Variants in SHISA9 observed in about 807,000 individuals in gnomAD.
SHISA9 encodes protein shisa-9.
In SHISA9, 13 loss-of-function variants were observed where a neutral mutation model predicts 38.0. The ratio of observed to expected loss-of-function variants is 0.34; its 90% confidence interval spans 0.22 to 0.54. The LOEUF is 0.54. Ranked by LOEUF, SHISA9 falls within the 20% of genes least tolerant of loss-of-function variation. The pLI is 0.91. For synonymous variants in SHISA9, 275 were observed against 242.0 expected (o/e 1.14, Z -1.27); for missense variants, 538 against 575.8 (o/e 0.93, Z 0.67).
chr16:13,507,426 G>C, the SHISA9 span, among the ~76,000 whole-genome samples: 1 of 152,010 alleles, frequency 6.6e-6, no homozygotes, highest in Non-Finnish European at 1.5e-5. Flanking sequence ...TCTTTTAGTG[G>C]TAGAGTACCC....
intron 2 of SHISA9, among the ~76,000 whole-genome samples, chr16:12,978,211 C>T (rs556337810): frequency 6.6e-6 from 1 of 152,242 alleles, no homozygotes; most frequent in Admixed American, 6.5e-5. Context: ...CCATCATCTA[C>T]CAAAATGGCA....
At chr16:12,971,272 C>T (rs1218661779) in intron 2 of SHISA9, among the ~76,000 whole-genome samples, 1 of 152,222 alleles carries the variant, frequency 6.6e-6, no homozygotes, top group East Asian at 1.9e-4. Flanking sequence ...CTCAGCTTGC[C>T]TGTTTCCTAG....
At chr16:13,244,798 G>C (rs187850642), downstream of SHISA9, among the ~76,000 whole-genome samples, 2 of 152,206 alleles carry the variant, frequency 1.3e-5, no homozygotes, top group Non-Finnish European at 2.9e-5. Context: ...GTATTGATGA[G>C]CACAAACAAT....
chr16:13,286,317 A>G, the SHISA9 span, among the ~76,000 whole-genome samples: 6 of 152,122 alleles, frequency 3.9e-5, no homozygotes, highest in Non-Finnish European at 4.4e-5. Flanking sequence ...GGCAAAATAA[A>G]CTTTCTAAAT....
At chr16:12,902,665 G>T (rs1219733815) in intron 1 of SHISA9, 38 bp downstream of exon 1, 1 of 1,485,386 alleles carries the variant, frequency 6.7e-7, no homozygotes, top group Non-Finnish European at 9.0e-7. Flanking sequence ...TCGGGGCTTC[G>T]CTCTCCCTGC....
At chr16:13,302,146 G>T in the SHISA9 span, among the ~76,000 whole-genome samples, 2 of 152,254 alleles carry the variant, frequency 1.3e-5, no homozygotes, top group East Asian at 1.9e-4. Context: ...TCTCGGTCCA[G>T]TTGTGTCATG....
the SHISA9 span, chr16:13,332,609 A>G: frequency 2.6e-5 from 4 of 152,220 alleles, no homozygotes; most frequent in African/African-American, 9.7e-5. Context: ...TCCTTCCATC[A>G]GCACAGCAAG....
At chr16:12,934,991 C>A (rs1031067723) in intron 2 of SHISA9, among the ~76,000 whole-genome samples, 2 of 138,608 alleles carry the variant, frequency 1.4e-5, no homozygotes, top group African/African-American at 2.6e-5. Flanking sequence ...TTGGAGCTCT[C>A]CTGCTGATAT....
the SHISA9 span, among the ~76,000 whole-genome samples, chr16:13,293,527 G>A: frequency 1.3e-5 from 2 of 152,186 alleles, no homozygotes; most frequent in Non-Finnish European, 2.9e-5. Flanking sequence ...AATGGAGGAA[G>A]TAGTAGAACC....
At chr16:12,962,117 G>A (rs1347724355) in intron 2 of SHISA9, among the ~76,000 whole-genome samples, 1 of 152,242 alleles carries the variant, frequency 6.6e-6, no homozygotes, top group Non-Finnish European at 1.5e-5. Context: ...TCCAGTCGAT[G>A]CGAAGGCACT....
intron 2 of SHISA9, among the ~76,000 whole-genome samples, chr16:13,062,466 A>G (rs919036031): frequency 1.3e-5 from 2 of 152,172 alleles, no homozygotes; most frequent in Admixed American, 6.5e-5. Flanking sequence ...CTTACCTGCC[A>G]CAACTGAGCA....
chr16:12,932,158 T>C (rs1213324145), intron 2 of SHISA9, among the ~76,000 whole-genome samples: 1 of 152,178 alleles, frequency 6.6e-6, no homozygotes, highest in Non-Finnish European at 1.5e-5. Flanking sequence ...TGTGAGTCCA[T>C]TAAGCCTTTT....
At chr16:13,305,324 A>C in the SHISA9 span, among the ~76,000 whole-genome samples, 1 of 152,128 alleles carries the variant, frequency 6.6e-6, no homozygotes, top group Admixed American at 6.5e-5. Flanking sequence ...CAAATTTTGG[A>C]TCTTTGGATT....
At chr16:13,310,140 G>A in the SHISA9 span, among the ~76,000 whole-genome samples, 229 of 152,184 alleles carry the variant, frequency 1.5e-3, 3 homozygotes, top group East Asian at 0.028. Context: ...CACCTGCCTC[G>A]GCCTCCCATA....
intron 2 of SHISA9, among the ~76,000 whole-genome samples, chr16:13,098,434 A>G (rs1404356921): frequency 6.6e-6 from 1 of 152,186 alleles, no homozygotes; most frequent in African/African-American, 2.4e-5. Context: ...TTAAGATCCC[A>G]GCAACCCAGG....
At chr16:13,147,333 C>T (rs1179085238) in intron 2 of SHISA9, among the ~76,000 whole-genome samples, 1 of 152,036 alleles carries the variant, frequency 6.6e-6, no homozygotes, top group Non-Finnish European at 1.5e-5. Context: ...GATTCTACAA[C>T]CAAGGGTTTG....
chr16:13,394,454 A>G, the SHISA9 span, among the ~76,000 whole-genome samples: 1 of 151,588 alleles, frequency 6.6e-6, no homozygotes, highest in East Asian at 1.9e-4. Flanking sequence ...CTTATCTCCT[A>G]CCCCCCACCC....
the SHISA9 span, among the ~76,000 whole-genome samples, chr16:13,536,196 A>C: frequency 6.6e-6 from 1 of 151,870 alleles, no homozygotes; most frequent in Non-Finnish European, 1.5e-5. Context: ...ATGGGGTTTC[A>C]CTATGTTGGC....
At chr16:13,394,928 G>GT in the SHISA9 span, among the ~76,000 whole-genome samples, 5 of 139,402 alleles carry the variant, frequency 3.6e-5, no homozygotes, top group East Asian at 8.4e-4. Context: ...CAGTATCTGG[G>GT]GTGTGTGTGT....
Sources: allele counts gnomAD v4.1 joint callset (sites outside exome capture counted in the v4.1 genomes callset), GRCh38; gene constraint gnomAD v4.1.1; transcripts MANE v1.5; gene names NCBI Gene and HGNC (gene_info 2026-07-23, HGNC 2026-07-21).